Variants in LDLRAD4 observed in about 807,000 individuals in gnomAD.
The protein encoded by LDLRAD4 is low-density lipoprotein receptor class A domain-containing protein 4.
LDLRAD4 carries 5 observed loss-of-function variants against 17.0 expected under a neutral mutation model. That is an observed-to-expected ratio of 0.29 (90% CI 0.15 to 0.62). The LOEUF (loss-of-function observed/expected upper bound fraction) is 0.62. Among genes scored for constraint, LDLRAD4 ranks in the 20% least tolerant of loss-of-function variants. The pLI is 0.84. For missense variants in LDLRAD4, 340 were observed against 424.7 expected (o/e 0.80, Z 1.75); for synonymous variants, 168 against 171.8 (o/e 0.98, Z 0.17).
At chr18:13,444,700 T>A (rs2091268778) in intron 3 of LDLRAD4, among the ~76,000 whole-genome samples, 1 of 152,212 alleles carries the variant, frequency 6.6e-6, no homozygotes, top group Non-Finnish European at 1.5e-5. Flanking sequence ...ACAGTGCCCA[T>A]GAGGCTCTGT....
chr18:13,440,198 T>C lies in LDLRAD4; in HGVS notation c.181+1814T>C, dbSNP rs1284763782. ...GGGGCGCTCCACAGGCCTCTTCTGG[T>C]CTGCGGGCTCCTCCTTTACTTCAGG... On this transcript the variant is annotated intron_variant, in intron 3 of 5. Transcript: ENST00000359446. The surrounding 1 kb of genome is among the most constrained non-coding windows in gnomAD (Gnocchi z 4.4). Among the ~76,000 whole-genome samples, 1 of 152,168 alleles carries C rather than the reference T, an allele frequency of 6.6e-6. No individual in the cohort carries two copies. Among genetic ancestry groups the C allele is most frequent in the African/African-American group, 2.4e-5 (1 of 41,438 alleles).
intron 3 of LDLRAD4, chr18:13,613,469 A>G (rs2039791423): frequency 6.6e-6 from 1 of 152,168 alleles, no homozygotes; most frequent in African/African-American, 2.4e-5. Flanking sequence ...TGGCTTATGT[A>G]TGTATTTTTT....
intron 4 of LDLRAD4, chr18:13,641,718 G>A: frequency 1.0e-6 from 1 of 981,574 alleles, no homozygotes; most frequent in South Asian, 4.7e-5. Flanking sequence ...CAGTCGGCGT[G>A]GGGTGCGGCA....
chr18:13,561,320 C>G (rs1294063050), intron 3 of LDLRAD4: 3 of 152,168 alleles, frequency 2.0e-5, no homozygotes, highest in Non-Finnish European at 4.4e-5. Context: ...GGGCATCATC[C>G]AGTTATTTTT....
chr18:13,568,093 G>A (rs896344684), intron 3 of LDLRAD4, among the ~76,000 whole-genome samples: 8 of 152,082 alleles, frequency 5.3e-5, no homozygotes, highest in African/African-American at 1.4e-4. Flanking sequence ...TCAGGAGTTC[G>A]AGACCAGCCT....
intron 3 of LDLRAD4, among the ~76,000 whole-genome samples, chr18:13,457,346 TG>T (rs1341518598): frequency 2.6e-5 from 4 of 152,232 alleles, no homozygotes; most frequent in African/African-American, 9.6e-5. Flanking sequence ...TGTGGAGTCC[TG>T]TGCCCTCCCT....
At chr18:13,498,031 T>TTG (rs1568256787) in intron 3 of LDLRAD4, among the ~76,000 whole-genome samples, 2 of 126,062 alleles carry the variant, frequency 1.6e-5, no homozygotes, top group Non-Finnish European at 1.7e-5. Flanking sequence ...AGAATCCTTC[T>TTG]CCACACACGT....
chr18:13,347,135 G>C (rs1436993733), intron 1 of LDLRAD4, among the ~76,000 whole-genome samples: 2 of 152,134 alleles, frequency 1.3e-5, no homozygotes, highest in Admixed American at 1.3e-4. Flanking sequence ...TGGTTATTTT[G>C]CTCATTAGTT....
intron 3 of LDLRAD4, among the ~76,000 whole-genome samples, chr18:13,513,522 ATCT>A (rs1168956182): frequency 6.6e-6 from 1 of 152,182 alleles, no homozygotes; most frequent in East Asian, 1.9e-4. Flanking sequence ...GGAGCTTCAG[ATCT>A]TCTTCTTGGG....
intron 3 of LDLRAD4, among the ~76,000 whole-genome samples, chr18:13,499,149 CA>C (rs1182958679): frequency 8.9e-5 from 13 of 145,856 alleles, no homozygotes; most frequent in African/African-American, 3.3e-4. Context: ...TCCTTCTACT[CA>C]CACACACGTC....
chr18:13,257,125 C>T (rs1260112489), intron 1 of LDLRAD4, among the ~76,000 whole-genome samples: 3 of 152,330 alleles, frequency 2.0e-5, no homozygotes, highest in South Asian at 2.1e-4. Flanking sequence ...AGTCATGCCG[C>T]GCTGGAGGGT....
At chr18:13,533,660 A>G (rs1006964400) in intron 3 of LDLRAD4, among the ~76,000 whole-genome samples, 1 of 152,234 alleles carries the variant, frequency 6.6e-6, no homozygotes, top group African/African-American at 2.4e-5. Context: ...GCAGTAGTCC[A>G]TGTATCTGAA....
At chr18:13,399,377 A>G (rs373384367) in intron 2 of LDLRAD4, among the ~76,000 whole-genome samples, 6 of 152,152 alleles carry the variant, frequency 3.9e-5, no homozygotes, top group African/African-American at 1.4e-4. Flanking sequence ...TTCCTTATCT[A>G]TAATGTGAAA....
At chr18:13,341,109 C>G (rs1379102239) in intron 1 of LDLRAD4, among the ~76,000 whole-genome samples, 5 of 152,022 alleles carry the variant, frequency 3.3e-5, no homozygotes. Flanking sequence ...CAGTATCACA[C>G]TGTCTTGATT....
At chr18:13,400,714 C>T (rs558699472) in intron 2 of LDLRAD4, among the ~76,000 whole-genome samples, 50 of 152,302 alleles carry the variant, frequency 3.3e-4, no homozygotes, top group Non-Finnish European at 4.7e-4. Context: ...CACATTCTTT[C>T]AAAATGCTTT....
intron 3 of LDLRAD4, among the ~76,000 whole-genome samples, chr18:13,584,045 T>G (rs1601547809): frequency 6.6e-6 from 1 of 152,080 alleles, no homozygotes; most frequent in East Asian, 1.9e-4. Context: ...TTGCTGAGAG[T>G]GCAGGTGAGC....
rs189164443 is a variant in LDLRAD4, at chr18:13,531,885, G to C, written c.182-89232G>C. Among the ~76,000 whole-genome samples the C allele has an allele frequency of 4.7e-4, 71 of 152,294 alleles. No homozygotes were observed. The East Asian group carries it at 9.5e-3, about 20-fold the overall frequency. On this transcript the variant is annotated intron_variant, in intron 3 of 5. Transcript: ENST00000359446. ...GCAGGAGGCTGCGCTGAGGATGCAG[G>C]GTGGCTGGTGGCCCTGCTGGGGGGC...
chr18:13,462,486 T>A (rs1285213925), intron 3 of LDLRAD4, among the ~76,000 whole-genome samples: 1 of 152,152 alleles, frequency 6.6e-6, no homozygotes, highest in Non-Finnish European at 1.5e-5. Context: ...ATACCAACTT[T>A]GGTCTAAGAG....
intron 1 of LDLRAD4, among the ~76,000 whole-genome samples, chr18:13,221,409 T>C (rs902694573): frequency 1.3e-5 from 2 of 152,220 alleles, no homozygotes; most frequent in African/African-American, 4.8e-5. Context: ...TCTGCCTATA[T>C]GAACTGTGTT....
Sources: gnomAD v4.1 joint callset for allele counts (sites outside exome capture counted in the v4.1 genomes callset) on GRCh38, gnomAD v4.1.1 for gene constraint, Gnocchi (gnomAD v3.1) non-coding constraint, MANE v1.5 for transcripts, NCBI Gene and HGNC (gene_info 2026-07-23, HGNC 2026-07-21) for gene names.